SLC3A1: variants seen among roughly 807,000 people sequenced by gnomAD.
SLC3A1 encodes solute carrier family 3 member 1, also known as amino acid transporter heavy chain SLC3A1.
Under a neutral mutation model 60.3 loss-of-function variants are expected in SLC3A1, and 78 were observed. The ratio of observed to expected loss-of-function variants is 1.29; its 90% CI spans 1.08 to 1.56. The LOEUF is 1.56. Ranked by LOEUF, SLC3A1 falls within the 40% of genes most tolerant of loss-of-function variation. The pLI is 0.00. For synonymous variants in SLC3A1, 392 were observed against 307.9 expected (o/e 1.27, Z -2.86); for missense variants, 1,172 against 858.9 (o/e 1.36, Z -4.56).
chr2:44,309,291 A>G lies in SLC3A1; in HGVS notation c.1333-3295A>G, dbSNP rs951589789. Among the ~76,000 whole-genome samples the G allele has an allele frequency of 4.6e-5, 7 of 152,246 alleles. 1 individual carries two copies. The highest frequency in any genetic ancestry group is 2.1e-4 in the South Asian group (1 of 4,826). The stretch of plus-strand genomic sequence containing the variant: ...AATTTGCCTATTCTAGGTACCTCAT[A>G]TAAGTGGAATCATAACAATATTTGT... On this transcript the variant is annotated intron_variant, in intron 7 of 9. Transcript: ENST00000260649.
rs1671745355 is a variant in SLC3A1 at position 44,291,797 on chromosome 2, T to G, written c.891+5640T>G. The stretch of plus-strand genomic sequence containing the variant: ...CCTGAGCCCACTTCCTCCCCGCTCC[T>G]ATCAGATTTTGCTTTATCTGCACAG... On this transcript the variant is annotated intron_variant, in intron 4 of 9. Transcript: ENST00000260649. Among the ~76,000 whole-genome samples the G allele has an allele frequency of 2.0e-5, 3 of 152,260 alleles. No homozygotes were observed. In the South Asian group the frequency reaches 6.2e-4, roughly 32 times the overall value.
chr2:44,296,884 A>C (rs578081821), intron 4 of SLC3A1, among the ~76,000 whole-genome samples: 93 of 152,234 alleles, frequency 6.1e-4, no homozygotes, highest in Admixed American at 1.2e-3. Context: ...TGGTTTTATA[A>C]GTGGGAGTTC....
At chr2:44,286,826 C>T (rs747239943) in intron 4 of SLC3A1, among the ~76,000 whole-genome samples, 8 of 150,920 alleles carry the variant, frequency 5.3e-5, no homozygotes, top group Non-Finnish European at 8.8e-5. Flanking sequence ...GTGAGCTGTG[C>T]GGTGCCTGTG....
rs1671329907 is a variant in SLC3A1, at chr2:44,275,815, G to T, written c.280G>T (p.Val94Leu). ...IPREILFWLT[V>L]ASVLVLIAAT... Reference sequence around the variant, plus strand: ...TCGGGAGATCCTCTTCTGGCTCACAGTGGCTTCTGTGCTGGTGCTCATCGC... The same window carrying T: ...TCGGGAGATCCTCTTCTGGCTCACATTGGCTTCTGTGCTGGTGCTCATCGC... Residue 94 changes from valine (V) to leucine (L), a missense_variant, in exon 1 of 10, where the codon GTG becomes TTG. Coordinates refer to ENST00000260649, the MANE Select transcript of SLC3A1 (RefSeq NM_000341.4). 1 of 1,614,144 alleles carries T rather than the reference G, an allele frequency of 6.2e-7. No individual in the cohort carries two copies. Among genetic ancestry groups the T allele is most frequent in the African/African-American group, 1.3e-5 (1 of 74,952 alleles).
At chr2:44,292,387 C>T (rs1671758884) in intron 4 of SLC3A1, among the ~76,000 whole-genome samples, 1 of 152,166 alleles carries the variant, frequency 6.6e-6, no homozygotes, top group African/African-American at 2.4e-5. Flanking sequence ...CCATTTATTG[C>T]ACCTCCTCTA....
chr2:44,310,122 G>C (rs965944670), intron 7 of SLC3A1, among the ~76,000 whole-genome samples: 4 of 152,048 alleles, frequency 2.6e-5, no homozygotes, highest in African/African-American at 9.7e-5. Context: ...TTGAACTCCT[G>C]AGCTCAAGTG....
Position 44,304,206 on chromosome 2 carries a change from A to G in SLC3A1, c.1200A>G (p.Pro400=), listed in dbSNP as rs886056069. 6.2e-7 allele frequency: 1 copy of G among 1,614,140 alleles called. No individual in the cohort carries two copies. Among genetic ancestry groups the G allele is most frequent in the Non-Finnish European group, 8.5e-7 (1 of 1,179,988 alleles). ...GGACCGTGATGTACTATGGATTGCC[A>G]TTTATCCAAGAAGCTGATTTTCCCT... ...IDRTVMYYGL[P]FIQEADFPFN... Residue 400 remains proline, a synonymous_variant, in exon 7 of 10, where the codon CCA becomes CCG. Transcript: ENST00000260649.
At chr2:44,292,933 G>C (rs189530386) in intron 4 of SLC3A1, among the ~76,000 whole-genome samples, 1 of 152,012 alleles carries the variant, frequency 6.6e-6, no homozygotes, top group African/African-American at 2.4e-5. Context: ...TTTGGAGAAG[G>C]GGTTTGAGTA....
chr2:44,311,905 A>T (rs147524677), intron 7 of SLC3A1, among the ~76,000 whole-genome samples: 12 of 152,212 alleles, frequency 7.9e-5, no homozygotes, highest in African/African-American at 2.6e-4. Context: ...TGTGTGAAGG[A>T]GGGAAATATA....
intron 7 of SLC3A1, among the ~76,000 whole-genome samples, chr2:44,308,953 C>T (rs956141127): frequency 7.2e-5 from 11 of 152,110 alleles, no homozygotes; most frequent in African/African-American, 1.9e-4. Context: ...AAGATGGCCT[C>T]GGTCTCCTGA....
chr2:44,301,621 C>G (rs1485794108), intron 6 of SLC3A1, among the ~76,000 whole-genome samples: 1 of 151,536 alleles, frequency 6.6e-6, no homozygotes, highest in Non-Finnish European at 1.5e-5. Flanking sequence ...TGCCTGTAAT[C>G]CCAGCTACTT....
rs547509669 is a variant in SLC3A1, at chr2:44,313,395, C to A, written c.1501-440C>A. 3.9e-5 allele frequency among the ~76,000 whole-genome samples: 6 copies of A among 152,248 alleles called. No homozygotes were observed. The South Asian group carries it at 1.2e-3, about 32-fold the overall frequency. On this transcript the variant is annotated intron_variant, in intron 8 of 9. Transcript: ENST00000260649. ...GAAGCTTTTTTCCCTCTATCAGCTC[C>A]TACATTTGTGTGTGTGCACTCATGA...
At chr2:44,312,338 T>C (rs938517790) in intron 7 of SLC3A1, among the ~76,000 whole-genome samples, 5 of 152,202 alleles carry the variant, frequency 3.3e-5, no homozygotes, top group African/African-American at 1.2e-4. Context: ...CTATGTACCC[T>C]CTGAGTTTTA....
intron 3 of SLC3A1, among the ~76,000 whole-genome samples, chr2:44,284,375 A>G (rs1671566231): frequency 6.6e-6 from 1 of 152,050 alleles, no homozygotes; most frequent in African/African-American, 2.4e-5. Flanking sequence ...ACCACGCCCA[A>G]CCAAGGGCTT....
At position 44,275,612 on chromosome 2, in the gene SLC3A1, A is replaced by C. The variant is rs903060488; in HGVS notation, c.77A>C (p.His26Pro). 2.5e-6 allele frequency: 4 copies of C among 1,614,132 alleles called. No individual in the cohort carries two copies. Among genetic ancestry groups the C allele is most frequent in the Non-Finnish European group, 3.4e-6 (4 of 1,179,956 alleles). Residue 26 changes from histidine (H) to proline (P), a missense_variant, in exon 1 of 10, where the codon CAT (histidine) becomes CCT (proline). Physicochemically the swap from His to Pro is moderately conservative, Grantham distance 77. Transcript: ENST00000260649. Reference sequence around the variant, plus strand: ...TGCCAGACAAACAACGGGTTTGTCCATAATGAAGACATTCTGGAGCAGACC... The same window carrying C: ...TGCCAGACAAACAACGGGTTTGTCCCTAATGAAGACATTCTGGAGCAGACC... ...KGCQTNNGFV[H>P]NEDILEQTPD...
chr2:44,300,441 G>A (rs1176714163), intron 5 of SLC3A1, among the ~76,000 whole-genome samples: 1 of 152,174 alleles, frequency 6.6e-6, no homozygotes, highest in Non-Finnish European at 1.5e-5. Flanking sequence ...TGGCTTGGAT[G>A]AGATGTAATT....
rs1367475597 is a variant in SLC3A1 at position 44,320,557 on chromosome 2, A to T, written c.1976A>T (p.Gln659Leu). The change falls in exon 10 of 10, where the codon CAA (glutamine) becomes CTA (leucine). Residue 659 changes from glutamine to leucine, a missense_variant. By Grantham distance (113) the Gln-to-Leu change is moderately radical. Coordinates refer to ENST00000260649, the MANE Select transcript of SLC3A1 (RefSeq NM_000341.4). Reference protein sequence around the residue: ...EHNTKNLLHRQTAFRDRCFVS... With the variant: ...EHNTKNLLHRLTAFRDRCFVS... The stretch of plus-strand genomic sequence containing the variant: ...AACACGAAGAATCTCCTTCATCGCC[A>T]AACAGCTTTCAGAGATAGATGCTTT... 6.2e-7 allele frequency: 1 copy of T among 1,613,962 alleles called. No individual in the cohort carries two copies. The highest frequency in any genetic ancestry group is 1.1e-5 in the South Asian group (1 of 91,088).
intron 9 of SLC3A1, chr2:44,319,485 A>G (rs921034453): frequency 6.6e-6 from 1 of 151,722 alleles, no homozygotes; most frequent in Non-Finnish European, 1.5e-5. Flanking sequence ...GAATATTGTC[A>G]TTAAAAACAT....
Position 44,300,091 on chromosome 2 carries a change from G to A in SLC3A1, c.1011+1G>A. 1.2e-6 allele frequency: 2 copies of A among 1,613,820 alleles called. No individual in the cohort carries two copies. Among genetic ancestry groups the A allele is most frequent in the East Asian group, 2.2e-5 (1 of 44,860 alleles). ...CCAAGTAAATAAGACCCAAATCCCG[G>A]TAAAGTTTTATTTTAAACGTTTTTC... is the stretch of plus-strand genomic sequence containing the variant. On this transcript the variant is annotated splice_donor_variant, in intron 5 of 9. Coordinates refer to ENST00000260649, the MANE Select transcript of SLC3A1 (RefSeq NM_000341.4). LOFTEE classifies it high-confidence loss of function.
Sources: allele counts gnomAD v4.1 joint callset (sites outside exome capture counted in the v4.1 genomes callset), GRCh38; gene constraint gnomAD v4.1.1; transcripts MANE v1.5; gene names NCBI Gene and HGNC (gene_info 2026-07-23, HGNC 2026-07-21).